CUBN: variants seen among roughly 807,000 people sequenced by gnomAD.
CUBN encodes 460 kDa receptor.
CUBN carries 282 observed loss-of-function variants against 405.3 expected under a neutral mutation model. The observed-to-expected ratio is 0.70, with a 90% CI of 0.63 to 0.77. The LOEUF is 0.77. Ranked by LOEUF, CUBN falls within the 30% of genes least tolerant of loss-of-function variation. CUBN has a pLI of 0.00. For missense variants in CUBN, 4,514 were observed against 4,475.2 expected (o/e 1.01, Z -0.25); for synonymous variants, 1,684 against 1,617.0 (o/e 1.04, Z -0.99).
In CUBN at chr10:16,964,860, C is replaced by T. The variant is rs188122405; in HGVS notation, c.4696-10312G>A. 4.8e-4 allele frequency among the ~76,000 whole-genome samples: 73 copies of T among 152,310 alleles called. No individual in the cohort carries two copies. The East Asian group carries it at 9.1e-3, about 19-fold the overall frequency. Reference sequence around the variant, plus strand: ...ATTGCCTAATATCTACAACTGTGCCCCAGTCCTCTCCCCTAAGCCCTAGGC... The same window carrying T: ...ATTGCCTAATATCTACAACTGTGCCTCAGTCCTCTCCCCTAAGCCCTAGGC... On this transcript the variant is annotated intron_variant, in intron 31 of 66. Transcript: ENST00000377833.
chr10:17,044,949 C>A, intron 25 of CUBN, 58 bp downstream of exon 25: 1 of 1,473,416 alleles, frequency 6.8e-7, no homozygotes, highest in Non-Finnish European at 9.5e-7. Context: ...AAAATAAGTG[C>A]ATTGTGCGTT....
At chr10:17,016,971 G>T (rs560739198) in intron 28 of CUBN, among the ~76,000 whole-genome samples, 1 of 152,208 alleles carries the variant, frequency 6.6e-6, no homozygotes, top group Non-Finnish European at 1.5e-5. Flanking sequence ...CTTCCCTCAG[G>T]TGGCCATTTA....
intron 23 of CUBN, 41 bp from the exon 24 acceptor site, chr10:17,046,135 A>T: frequency 6.5e-7 from 1 of 1,547,662 alleles, no homozygotes; most frequent in Admixed American, 1.7e-5. Flanking sequence ...GGTTACTGAC[A>T]ATATTACTGT....
At chr10:16,951,107 A>T (rs1321200683) in intron 33 of CUBN, among the ~76,000 whole-genome samples, 1 of 152,242 alleles carries the variant, frequency 6.6e-6, no homozygotes, top group Non-Finnish European at 1.5e-5. Flanking sequence ...TTCTTGAACC[A>T]GTGAGATCTT....
intron 22 of CUBN, among the ~76,000 whole-genome samples, chr10:17,049,629 T>G (rs189092332): frequency 9.2e-5 from 14 of 152,300 alleles, no homozygotes; most frequent in Admixed American, 8.5e-4. Flanking sequence ...TCTTTTCTGT[T>G]GCTGGCACAA....
chr10:16,902,209 T>C (rs1294192770), intron 51 of CUBN, among the ~76,000 whole-genome samples: 1 of 135,676 alleles, frequency 7.4e-6, no homozygotes, highest in Non-Finnish European at 1.5e-5. Context: ...TATATATTTA[T>C]ATATATAGTA....
intron 46 of CUBN, among the ~76,000 whole-genome samples, chr10:16,915,502 C>T (rs1841858023): frequency 1.3e-5 from 2 of 152,260 alleles, no homozygotes; most frequent in South Asian, 2.1e-4. Flanking sequence ...ATCCCTTCCC[C>T]ATCTCAAGCT....
intron 36 of CUBN, among the ~76,000 whole-genome samples, chr10:16,944,451 C>T (rs2131614496): frequency 6.6e-6 from 1 of 152,320 alleles, no homozygotes; most frequent in East Asian, 1.9e-4. Flanking sequence ...TACTCAGTTT[C>T]ACCACAATCC....
Position 16,876,977 on chromosome 10 carries a change from A to T in CUBN, c.9026T>A (p.Ile3009Asn). 6.2e-7 allele frequency: 1 copy of T among 1,614,188 alleles called. No homozygotes were observed. The highest frequency in any genetic ancestry group is 1.7e-5 in the Admixed American group (1 of 59,998). ...CGDEMPAPLT[I>N]AGPVLLNFYS... Reference sequence around the variant, plus strand: ...GAAGTTAAGCAGAACCGGCCCAGCGATGGTGAGGGGAGCTGGCATCTCATC... The same window carrying T: ...GAAGTTAAGCAGAACCGGCCCAGCGTTGGTGAGGGGAGCTGGCATCTCATC... The change falls in exon 57 of 67, where the codon ATC becomes AAC. Residue 3009 changes from isoleucine to asparagine, a missense_variant. Physicochemically the swap from Ile to Asn is moderately radical, Grantham distance 149. Transcript: ENST00000377833.
At chr10:16,867,824 G>A (rs925747463) in intron 59 of CUBN, among the ~76,000 whole-genome samples, 1 of 152,214 alleles carries the variant, frequency 6.6e-6, no homozygotes, top group African/African-American at 2.4e-5. Context: ...TTTGTGGCTT[G>A]GAAAGACATG....
intron 28 of CUBN, among the ~76,000 whole-genome samples, chr10:17,001,278 C>T (rs1354041252): frequency 2.6e-5 from 4 of 152,208 alleles, no homozygotes; most frequent in East Asian, 1.9e-4. Flanking sequence ...GCTTCCACAG[C>T]GTGCAGGGCA....
At chr10:16,909,531 C>T (rs1841661507) in intron 48 of CUBN, among the ~76,000 whole-genome samples, 1 of 152,092 alleles carries the variant, frequency 6.6e-6, no homozygotes, top group Admixed American at 6.6e-5. Flanking sequence ...ATGCTGAAAA[C>T]AGGAATGGGC....
In CUBN at chr10:17,043,811, C is replaced by A. The variant is rs763987035; in HGVS notation, c.3829+16G>T. The A allele has an allele frequency of 1.2e-6, 2 of 1,611,822 alleles. No individual in the cohort carries two copies. The highest frequency in any genetic ancestry group is 1.7e-6 in the Non-Finnish European group (2 of 1,178,532). On this transcript the variant is annotated intron_variant, in intron 26 of 66. Transcript: ENST00000377833. The stretch of plus-strand genomic sequence containing the variant: ...CTGCCAGTATACACACTTACTCTGC[C>A]GGTATTCACACTTACTCTGCCGGTA...
chr10:16,863,976 G>C (rs759958250), intron 59 of CUBN, among the ~76,000 whole-genome samples: 29 of 152,168 alleles, frequency 1.9e-4, no homozygotes, highest in Non-Finnish European at 7.3e-5. Context: ...AGATGAAAGT[G>C]ATTCAATTTA....
rs558801440 is a variant in CUBN, at chr10:16,969,440, C to T, written c.4695+13044G>A. ...CACGATCTCAGCTCACTGCAGCCTC[C>T]GCCTCCGGGGTTCAAGTGATTCTCC... On this transcript the variant is annotated intron_variant, in intron 31 of 66. Transcript: ENST00000377833. Among the ~76,000 whole-genome samples the T allele has an allele frequency of 9.2e-5, 14 of 152,116 alleles. No homozygotes were observed. In the South Asian group the frequency reaches 2.3e-3, roughly 25 times the overall value.
Position 16,888,476 on chromosome 10 carries a change from A to G in CUBN, c.8846T>C (p.Val2949Ala), listed in dbSNP as rs757571855. 11 of 1,612,908 alleles carry G rather than the reference A, an allele frequency of 6.8e-6. No individual in the cohort carries two copies. The highest frequency in any genetic ancestry group is 1.6e-4 in the Middle Eastern group (1 of 6,080). Reference sequence around the variant, plus strand: ...CACTGACAGAGGATTAGCCTCTATGACATAGGTGCAATTCATGTTGTTGTC... The same window carrying G: ...CACTGACAGAGGATTAGCCTCTATGGCATAGGTGCAATTCATGTTGTTGTC... The part of the protein sequence containing the change: ...QYDNNMNCTY[V>A]IEANPLSVVL... The change falls in exon 56 of 67, where the codon GTC (valine) becomes GCC (alanine). Residue 2949 changes from valine (V) to alanine (A), a missense_variant. By Grantham distance (64) the Val-to-Ala change is moderately conservative (BLOSUM62 0). Around this residue, in one of 5 missense-constraint regions of CUBN, gnomAD observed 1,186 missense variants for 1,186.9 expected, o/e 1.00. Transcript: ENST00000377833.
chr10:16,834,259 T>C (rs940302670), intron 64 of CUBN, among the ~76,000 whole-genome samples: 15 of 152,178 alleles, frequency 9.9e-5, no homozygotes, highest in African/African-American at 3.4e-4. Context: ...ATATGCCCAA[T>C]GCAGCGATGG....
intron 31 of CUBN, among the ~76,000 whole-genome samples, chr10:16,977,582 T>C (rs545915481): frequency 6.6e-5 from 10 of 152,250 alleles, no homozygotes; most frequent in African/African-American, 2.4e-4. Context: ...AACCCCTGCA[T>C]TCACCATCCT....
chr10:16,987,458 C>T (rs992251415), intron 29 of CUBN, among the ~76,000 whole-genome samples: 3 of 152,182 alleles, frequency 2.0e-5, no homozygotes, highest in African/African-American at 7.2e-5. Flanking sequence ...CTGTTAGCTC[C>T]ATTTATTGTT....
Sources: allele counts gnomAD v4.1 joint callset (sites outside exome capture counted in the v4.1 genomes callset), GRCh38; gene constraint gnomAD v4.1.1; regional missense constraint gnomAD v4.1.1; transcripts MANE v1.5; gene names NCBI Gene and HGNC (gene_info 2026-07-23, HGNC 2026-07-21).